Variants in GAS2L2 observed in about 807,000 individuals in gnomAD.
The protein encoded by GAS2L2 is growth arrest specific 2 like 2.
Under a neutral mutation model 35.2 loss-of-function variants are expected in GAS2L2, and 21 were observed. That is an observed-to-expected ratio of 0.60 (90% CI 0.42 to 0.86). The LOEUF is 0.86. Among genes scored for constraint, GAS2L2 ranks in the 40% least tolerant of loss-of-function variants. The pLI is 0.00. For synonymous variants in GAS2L2, 490 were observed against 473.2 expected (o/e 1.04, Z -0.46); for missense variants, 1,169 against 1,144.4 (o/e 1.02, Z -0.31).
At position 35,747,954 on chromosome 17, in the gene GAS2L2, G is replaced by T. The variant is rs1294123785; in HGVS notation, c.736-9C>A. 2.5e-6 allele frequency: 4 copies of T among 1,610,864 alleles called. No individual in the cohort carries two copies. Among genetic ancestry groups the T allele is most frequent in the Non-Finnish European group, 3.4e-6 (4 of 1,177,672 alleles). ...ACATGGTTCCGGAGGATCTGAGGGG[G>T]CAAGGGTGAGGTTAAGGGCGGGGTG... On this transcript the variant is annotated splice_polypyrimidine_tract_variant and intron_variant, in intron 3 of 5. Transcript: ENST00000604641.
chr17:35,751,002 C>T (rs1428188846), intron 1 of GAS2L2, among the ~76,000 whole-genome samples: 1 of 152,218 alleles, frequency 6.6e-6, no homozygotes, highest in African/African-American at 2.4e-5. Context: ...CTTCTATTAA[C>T]CTTCCAATTC....
chr17:35,748,043 T>A (rs1485104541), intron 3 of GAS2L2, 98 bp from the exon 4 acceptor site: 4 of 799,358 alleles, frequency 5.0e-6, no homozygotes, highest in African/African-American at 1.7e-5. Flanking sequence ...GATGCTCTCA[T>A]CCATGTACCC....
chr17:35,750,725 C>T (rs1216085076), intron 1 of GAS2L2, among the ~76,000 whole-genome samples: 2 of 152,142 alleles, frequency 1.3e-5, no homozygotes, highest in Non-Finnish European at 2.9e-5. Context: ...CGCCTCTCTC[C>T]TCCTATCTCC....
At chr17:35,751,622 C>T (rs1202453810) in intron 1 of GAS2L2, among the ~76,000 whole-genome samples, 11 of 150,880 alleles carry the variant, frequency 7.3e-5, no homozygotes, top group Admixed American at 7.3e-4. Context: ...GAGCCAAGAT[C>T]GAACCACTGT....
In GAS2L2 at chr17:35,752,489, C is replaced by T. The variant is rs587774685; in HGVS notation, c.362G>A (p.Cys121Tyr). The T allele has an allele frequency of 6.3e-7, 1 of 1,589,036 alleles. No individual in the cohort carries two copies. The highest frequency in any genetic ancestry group is 1.1e-5 in the South Asian group (1 of 89,536). The change falls in exon 1 of 6, where the codon TGT becomes TAT. Residue 121 changes from cysteine to tyrosine, a missense_variant. Coordinates refer to ENST00000604641, the MANE Select transcript of GAS2L2 (RefSeq NM_139285.4). ...ACCTTGGATGCCCATCTCCTTTCGA[C>T]ACCACTGGATGAAGTTAGAGACATT... ...RDNVSNFIQW[C>Y]RKEMGIQEVL...
chr17:35,749,311 G>C, intron 2 of GAS2L2, 94 bp from the exon 3 acceptor site: 1 of 722,732 alleles, frequency 1.4e-6, no homozygotes, highest in South Asian at 1.7e-5. Flanking sequence ...TGAGGTTTCT[G>C]CTGAGGTCAG....
intron 1 of GAS2L2, among the ~76,000 whole-genome samples, chr17:35,751,755 C>A (rs958023136): frequency 1.6e-4 from 24 of 151,604 alleles, no homozygotes; most frequent in African/African-American, 5.8e-4. Flanking sequence ...CTGCTATTTC[C>A]TCCCCTGGCT....
In GAS2L2 at chr17:35,744,780, T is replaced by A. The variant is rs1212768669; in HGVS notation, c.*74A>T. On this transcript the variant is annotated 3_prime_UTR_variant, in exon 6 of 6. Coordinates refer to ENST00000604641, the MANE Select transcript of GAS2L2 (RefSeq NM_139285.4). ...TGGAGGTGAGGGAACATCCCTTCTG[T>A]TCCCGCAGCTGTGAATCCAGTGTAT... is the stretch of plus-strand genomic sequence containing the variant. 1 of 1,170,536 alleles carries A rather than the reference T, an allele frequency of 8.5e-7. No homozygotes were observed. The highest frequency in any genetic ancestry group is 1.2e-6 in the Non-Finnish European group (1 of 824,704). 72.5% of individuals were successfully genotyped at this position (1,170,536 alleles called of 1,614,324 possible).
chr17:35,747,058 C>A lies in GAS2L2; in HGVS notation c.1043G>T (p.Gly348Val). ...CTCTCTGGAGGCCCCCGTCCCTGCT[C>A]CCCGTTCCCTGCGGGGTCTGGGGGA... ...PSSPRPRRER[G>V]AGTGASREMA... is the part of the protein sequence containing the mutation. Residue 348 changes from glycine (G) to valine (V), a missense_variant, in exon 5 of 6, where the codon GGA becomes GTA. Coordinates refer to ENST00000604641, the MANE Select transcript of GAS2L2 (RefSeq NM_139285.4). 6.2e-7 allele frequency: 1 copy of A among 1,607,472 alleles called. No individual in the cohort carries two copies. Among genetic ancestry groups the A allele is most frequent in the Non-Finnish European group, 8.5e-7 (1 of 1,176,276 alleles).
At chr17:35,749,983 G>T in intron 2 of GAS2L2, 94 bp downstream of exon 2, 1 of 1,144,160 alleles carries the variant, frequency 8.7e-7, no homozygotes, top group Non-Finnish European at 1.3e-6. Context: ...AGCTCAAGAA[G>T]GGGGTGGGTT....
In GAS2L2 at chr17:35,745,513, A is replaced by G. The variant is rs199708985; in HGVS notation, c.1984T>C (p.Ser662Pro). 7 of 1,609,046 alleles carry G rather than the reference A, an allele frequency of 4.4e-6. No homozygotes were observed. Among genetic ancestry groups the G allele is most frequent in the East Asian group, 2.2e-5 (1 of 44,764 alleles). The change falls in exon 6 of 6, where the codon TCC becomes CCC. Residue 662 changes from serine to proline, a missense_variant. By Grantham distance (74) the Ser-to-Pro change is moderately conservative (BLOSUM62 -1). Around this residue, in one of 3 missense-constraint regions of GAS2L2, gnomAD observed 1,035 missense variants for 976.5 expected, o/e 1.06. Coordinates refer to ENST00000604641, the MANE Select transcript of GAS2L2 (RefSeq NM_139285.4). ...AGGTCCACTTTAAGGAGGGATGGGG[A>G]CCCCTGAGCCAGTTCTTGGATGGCT... is the stretch of plus-strand genomic sequence containing the variant. ...DKAIQELAQG[S>P]PSLLKVDLEA...
At position 35,750,178 on chromosome 17, in the gene GAS2L2, C is replaced by T. The variant is rs1555599580; in HGVS notation, c.526G>A (p.Glu176Lys). 4 of 1,612,590 alleles carry T rather than the reference C, an allele frequency of 2.5e-6. No individual in the cohort carries two copies. In the East Asian group the frequency reaches 8.9e-5, roughly 36 times the overall value. The change falls in exon 2 of 6, where the codon GAG (glutamate) becomes AAG (lysine). Residue 176 changes from glutamate to lysine, a missense_variant. Coordinates refer to ENST00000604641, the MANE Select transcript of GAS2L2 (RefSeq NM_139285.4). ...GCCAGCTCCCGCCGCACCTCCTCCT[C>T]GATCTCCTCCTCCAGCTGCACGAGT... ...PTLVQLEEEI[E>K]EEVRRELALP...
rs1319930070 is a variant in GAS2L2, at chr17:35,752,668, C to T, written c.183G>A (p.Thr61=). The T allele has an allele frequency of 6.2e-6, 10 of 1,613,986 alleles. 1 individual carries two copies. The highest frequency in any genetic ancestry group is 3.4e-6 in the Non-Finnish European group (4 of 1,180,018). Residue 61 remains threonine, a synonymous_variant, in exon 1 of 6, where the codon ACG becomes ACA. Transcript: ENST00000604641. ...DAANFLQVLE[T]GLVLCQHANV... ...TGGCGTGTTGGCACAGCACCAGGCC[C>T]GTTTCCAGCACCTGCAGGAAGTTGG...
chr17:35,747,431 G>T (rs1179269998), intron 4 of GAS2L2, among the ~76,000 whole-genome samples, 163 bp from the exon 5 acceptor site: 1 of 152,180 alleles, frequency 6.6e-6, no homozygotes, highest in African/African-American at 2.4e-5. Context: ...GGGCTTAGGG[G>T]ACCCAGCTGG....
In GAS2L2 at chr17:35,749,095, C is replaced by T; in HGVS notation, c.735+15G>A. 1.3e-6 allele frequency: 2 copies of T among 1,578,862 alleles called. No individual in the cohort carries two copies. The highest frequency in any genetic ancestry group is 8.7e-7 in the Non-Finnish European group (1 of 1,149,142). Reference sequence around the variant, plus strand: ...CCCTATTCTGGGGGTCCCTTGACCCCCAGCCTGGACTTACCCGGATGAAGA... The same window carrying T: ...CCCTATTCTGGGGGTCCCTTGACCCTCAGCCTGGACTTACCCGGATGAAGA... On this transcript the variant is annotated intron_variant, in intron 3 of 5. Transcript: ENST00000604641.
In GAS2L2 at chr17:35,746,389, G is replaced by T. The variant is rs1555599005; in HGVS notation, c.1108C>A (p.Pro370Thr). Residue 370 changes from proline to threonine, a missense_variant, in exon 6 of 6, where the codon CCA becomes ACA. Pro to Thr is a conservative substitution (Grantham distance 38). This residue lies in a region of GAS2L2 where 1,035 missense variants were observed against 976.5 expected (regional missense o/e 1.06). Coordinates refer to ENST00000604641, the MANE Select transcript of GAS2L2 (RefSeq NM_139285.4). The stretch of plus-strand genomic sequence containing the variant: ...CCAGCTGTCGGCTGCCTCCAAGATG[G>T]GATGAGAGACCTCTCCTGGCACCTG... ...FLRCQERSLI[P>T]SWRQPTAGDS... 1 of 1,346,244 alleles carries T rather than the reference G, an allele frequency of 7.4e-7. No homozygotes were observed. Among genetic ancestry groups the T allele is most frequent in the Non-Finnish European group, 9.6e-7 (1 of 1,040,436 alleles). The allele number at this position is 1,346,244 out of a possible 1,614,324, so 83.4% of individuals were successfully genotyped here.
rs1220938908 is a variant in GAS2L2, at chr17:35,752,664, G to A, written c.187C>T (p.Leu63=). The A allele has an allele frequency of 1.9e-6, 3 of 1,614,026 alleles. No homozygotes were observed. In the African/African-American group the frequency reaches 4.0e-5, roughly 22 times the overall value. ...ACGTTGGCGTGTTGGCACAGCACCA[G>A]GCCCGTTTCCAGCACCTGCAGGAAG... is the stretch of plus-strand genomic sequence containing the variant. The part of the protein sequence containing the change: ...ANFLQVLETG[L]VLCQHANVVT... The change falls in exon 1 of 6, where the codon CTG becomes TTG. Residue 63 remains leucine, a synonymous_variant. Transcript: ENST00000604641.
At chr17:35,747,704 C>G (rs904997245) in intron 4 of GAS2L2, 145 bp downstream of exon 4, 7 of 661,588 alleles carry the variant, frequency 1.1e-5, no homozygotes, top group Admixed American at 5.0e-5. Flanking sequence ...TACTGCCTGC[C>G]TTCCTCCAGC....
chr17:35,753,172 C>G lies in GAS2L2; in HGVS notation c.-322G>C, dbSNP rs1555600038. On this transcript the variant is annotated 5_prime_UTR_variant, in exon 1 of 6. Transcript: ENST00000604641. ...GGAAGTGAGGACACTCCTCTCTTTC[C>G]CCAGAGCTGGAGAGATCAAGCTGGC... Among the ~76,000 whole-genome samples the G allele has an allele frequency of 3.9e-5, 6 of 152,190 alleles. No homozygotes were observed.
Sources: allele counts gnomAD v4.1 joint callset (sites outside exome capture counted in the v4.1 genomes callset), GRCh38; gene constraint gnomAD v4.1.1; regional missense constraint gnomAD v4.1.1; transcripts MANE v1.5; gene names NCBI Gene and HGNC (gene_info 2026-07-23, HGNC 2026-07-21).